Variants in PTPRT observed in about 807,000 individuals in gnomAD.
The protein encoded by PTPRT is receptor-type tyrosine-protein phosphatase T.
Under a neutral mutation model 176.8 loss-of-function variants are expected in PTPRT, and 56 were observed. The ratio of observed to expected loss-of-function variants is 0.32; its 90% CI spans 0.26 to 0.40. The LOEUF is 0.40. Ranked by LOEUF, PTPRT falls within the 10% of genes least tolerant of loss-of-function variation. The pLI, the probability that PTPRT is intolerant of heterozygous loss-of-function variation, is 1.00. For synonymous variants in PTPRT, 783 were observed against 739.0 expected (o/e 1.06, Z -0.96); for missense variants, 1,540 against 1,908.2 (o/e 0.81, Z 3.60).
chr20:42,586,174 C>T (rs375131791), intron 7 of PTPRT, among the ~76,000 whole-genome samples: 1 of 152,114 alleles, frequency 6.6e-6, no homozygotes. Context: ...GAAATATGCA[C>T]CTGTCAAATA....
At chr20:42,808,401 C>A (rs2145609708) in intron 2 of PTPRT, among the ~76,000 whole-genome samples, 1 of 152,108 alleles carries the variant, frequency 6.6e-6, no homozygotes. Flanking sequence ...CAGGAATATT[C>A]CAGGTAGAGA....
At chr20:42,045,365 G>A in the PTPRT span, among the ~76,000 whole-genome samples, 153 of 151,928 alleles carry the variant, frequency 1.0e-3, no homozygotes, top group African/African-American at 3.6e-3. Context: ...TACACTGAGT[G>A]GCTCCCTGAA....
At chr20:42,116,824 G>C (rs1987307162) in intron 21 of PTPRT, among the ~76,000 whole-genome samples, 1 of 152,166 alleles carries the variant, frequency 6.6e-6, no homozygotes, top group South Asian at 2.1e-4. Context: ...TTATCTAAGA[G>C]ACTGCTTTCC....
intron 7 of PTPRT, among the ~76,000 whole-genome samples, chr20:42,563,019 T>C (rs2072978199): frequency 6.6e-6 from 1 of 152,018 alleles, no homozygotes; most frequent in African/African-American, 2.4e-5. Flanking sequence ...TGCCTAAAAG[T>C]GTAATAAGGT....
At chr20:42,569,002 C>T (rs1334724206) in intron 7 of PTPRT, among the ~76,000 whole-genome samples, 6 of 125,082 alleles carry the variant, frequency 4.8e-5, no homozygotes, top group East Asian at 2.6e-4. Flanking sequence ...GAGCCGAGAT[C>T]GTGCCACTGC....
At position 42,659,940 on chromosome 20, in the gene PTPRT, G is replaced by T. The variant is rs116384476; in HGVS notation, c.1153+17926C>A. 2.1e-3 allele frequency among the ~76,000 whole-genome samples: 323 copies of T among 152,264 alleles called. 1 individual carries two copies. Among genetic ancestry groups the T allele is most frequent in the African/African-American group, 7.6e-3 (314 of 41,554 alleles). ...AGTGAACAGACGGCAGGAGTCAGGT[G>T]AGTCTGGGGTCAGGAGATGCTATTT... On this transcript the variant is annotated intron_variant, in intron 7 of 30. Transcript: ENST00000373187.
chr20:42,192,695 C>T (rs1388553953), intron 16 of PTPRT, among the ~76,000 whole-genome samples: 1 of 152,128 alleles, frequency 6.6e-6, no homozygotes, highest in Non-Finnish European at 1.5e-5. Flanking sequence ...AGTCCTGTAA[C>T]AAAGGTTCTC....
chr20:42,518,388 C>A (rs983171511), intron 7 of PTPRT, among the ~76,000 whole-genome samples: 1 of 151,844 alleles, frequency 6.6e-6, no homozygotes, highest in South Asian at 2.1e-4. Flanking sequence ...ATATTTCTAC[C>A]ACCCTGTTTT....
At chr20:43,129,935 G>A (rs978369535) in intron 1 of PTPRT, among the ~76,000 whole-genome samples, 3 of 152,154 alleles carry the variant, frequency 2.0e-5, no homozygotes, top group East Asian at 1.9e-4. Flanking sequence ...TTCTTTTCGG[G>A]AGATTTTGTA....
intron 7 of PTPRT, among the ~76,000 whole-genome samples, chr20:42,480,144 A>T (rs531396025): frequency 2.6e-5 from 4 of 152,312 alleles, no homozygotes; most frequent in East Asian, 1.9e-4. Flanking sequence ...GGAAAAGAAC[A>T]TTGGTTCTGT....
intron 1 of PTPRT, among the ~76,000 whole-genome samples, chr20:43,090,627 A>C (rs1182803969): frequency 2.0e-5 from 3 of 152,208 alleles, no homozygotes; most frequent in African/African-American, 7.2e-5. Context: ...ACAGAAATTA[A>C]GAACATGCCT....
intron 1 of PTPRT, among the ~76,000 whole-genome samples, chr20:43,048,537 T>C (rs374012371): frequency 6.6e-6 from 1 of 151,786 alleles, no homozygotes; most frequent in South Asian, 2.1e-4. Flanking sequence ...TAAGCAAGCA[T>C]GAGCAGATGT....
intron 1 of PTPRT, among the ~76,000 whole-genome samples, chr20:42,975,972 C>T (rs573457467): frequency 6.6e-6 from 1 of 151,982 alleles, no homozygotes; most frequent in Admixed American, 6.6e-5. Context: ...ATGAAGCACT[C>T]GATCTTCTCA....
intron 4 of PTPRT, among the ~76,000 whole-genome samples, chr20:42,779,425 T>A (rs2077182967): frequency 6.6e-6 from 1 of 152,138 alleles, no homozygotes; most frequent in Admixed American, 6.5e-5. Flanking sequence ...TGCAGAACAC[T>A]AACAAACTCA....
chr20:43,062,961 G>A lies in PTPRT; in HGVS notation c.88+126685C>T, dbSNP rs1465536632. On this transcript the variant is annotated intron_variant, in intron 1 of 30. Coordinates refer to ENST00000373187, the MANE Select transcript of PTPRT (RefSeq NM_007050.6). ...AATGTATAGCAATCTGGTTTGGGTC[G>A]TTTTCAAGCTAAAATCTGTGAGCTC... is the stretch of plus-strand genomic sequence containing the variant. Among the ~76,000 whole-genome samples, 12 of 152,258 alleles carry A rather than the reference G, an allele frequency of 7.9e-5. 1 individual carries two copies. In the South Asian group the frequency reaches 1.0e-3, roughly 13 times the overall value.
chr20:42,730,079 C>A (rs1481548572), intron 6 of PTPRT, among the ~76,000 whole-genome samples: 1 of 152,174 alleles, frequency 6.6e-6, no homozygotes, highest in Non-Finnish European at 1.5e-5. Flanking sequence ...AGTATGACAC[C>A]AAACACATGA....
intron 1 of PTPRT, among the ~76,000 whole-genome samples, chr20:42,947,398 TC>T (rs1319889478): frequency 6.6e-6 from 1 of 151,920 alleles, no homozygotes; most frequent in Non-Finnish European, 1.5e-5. Flanking sequence ...AGGGAAGGGG[TC>T]CCCTTCCTCT....
chr20:42,771,540 A>G lies in PTPRT; in HGVS notation c.579T>C (p.Pro193=), dbSNP rs371306513. The G allele has an allele frequency of 1.2e-6, 2 of 1,613,846 alleles. No individual in the cohort carries two copies. The highest frequency in any genetic ancestry group is 1.7e-6 in the Non-Finnish European group (2 of 1,179,812). Residue 193 remains proline, a synonymous_variant, in exon 5 of 31, where the codon CCT becomes CCC. Coordinates refer to ENST00000373187, the MANE Select transcript of PTPRT (RefSeq NM_007050.6). ...RVLAHPCRKA[P]HFLRLQNVEV... is the part of the protein sequence containing the mutation. ...CCACGTTTTGGAGTCGCAGAAAATG[A>G]GGTGCTTTTCCTAAGAGAGAAACCA...
chr20:42,099,561 T>TGGGGGGGGGG (rs752853675), intron 26 of PTPRT, among the ~76,000 whole-genome samples: 2 of 17,532 alleles, frequency 1.1e-4, no homozygotes, highest in Non-Finnish European at 2.2e-4. Context: ...GGGGGGGGGG[T>TGGGGGGGGGG]GGGGTGGTCT....
Sources: gnomAD v4.1 joint callset for allele counts (sites outside exome capture counted in the v4.1 genomes callset) on GRCh38, gnomAD v4.1.1 for gene constraint, MANE v1.5 for transcripts, NCBI Gene and HGNC (gene_info 2026-07-23, HGNC 2026-07-21) for gene names.